The following KCNK3 variants were observed in gnomAD, a reference collection of about 807,000 sequenced individuals.
KCNK3 encodes potassium channel subfamily K member 3.
Under a neutral mutation model 27.3 loss-of-function variants are expected in KCNK3, and 9 were observed. That is an observed-to-expected ratio of 0.33 (90% CI 0.20 to 0.57). KCNK3 has a LOEUF of 0.57. KCNK3 is among the 20% of genes least tolerant of loss of function. The pLI is 0.87. For synonymous variants in KCNK3, 278 were observed against 273.8 expected, an observed-to-expected ratio of 1.02 and a Z score of -0.15; for missense variants, 391 against 577.7, an observed-to-expected ratio of 0.68 and a Z score of 3.31.
chr2:26,698,275 G>A (rs1011423374), intron 1 of KCNK3, among the ~76,000 whole-genome samples: 16 of 152,200 alleles, frequency 1.1e-4, no homozygotes, highest in African/African-American at 3.4e-4. Context: ...AGGCTAGCCC[G>A]TGGGCGTGCT....
chr2:26,719,619 G>A (rs1572612164), intron 1 of KCNK3, among the ~76,000 whole-genome samples: 1 of 152,324 alleles, frequency 6.6e-6, no homozygotes, highest in East Asian at 1.9e-4. Context: ...ACAGGGCACT[G>A]AAGTTTTCAA....
chr2:26,708,575 AG>A (rs1663031780), intron 1 of KCNK3, among the ~76,000 whole-genome samples: 1 of 152,220 alleles, frequency 6.6e-6, no homozygotes, highest in East Asian at 1.9e-4. Flanking sequence ...GCTACTCGGG[AG>A]GCTGAGGCAT....
chr2:26,706,372 C>T (rs1670373403), intron 1 of KCNK3, among the ~76,000 whole-genome samples: 1 of 152,252 alleles, frequency 6.6e-6, no homozygotes, highest in South Asian at 2.1e-4. Flanking sequence ...CGCTTCATGG[C>T]TTTAGCTCTC....
At chr2:26,705,356 A>G (rs558034832) in intron 1 of KCNK3, among the ~76,000 whole-genome samples, 3 of 152,302 alleles carry the variant, frequency 2.0e-5, no homozygotes, top group South Asian at 4.2e-4. Context: ...CAAATGGCAG[A>G]ACACGGATAT....
chr2:26,731,990 C>T lies in KCNK3; in HGVS notation c.*3422C>T, dbSNP rs1276567531. 1.3e-5 allele frequency: 2 copies of T among 152,222 alleles called. No individual in the cohort carries two copies. Among genetic ancestry groups the T allele is most frequent in the East Asian group, 1.9e-4 (1 of 5,198 alleles). The allele number at this position is 152,222 out of a possible 1,614,324, so 9.4% of individuals were successfully genotyped here. Reference sequence around the variant, plus strand: ...CAGTAGGGGCCCCCTGGCTGAGTGGCCTGATTGACTAAAACATATGTCTTT... The same window carrying T: ...CAGTAGGGGCCCCCTGGCTGAGTGGTCTGATTGACTAAAACATATGTCTTT... On this transcript the variant is annotated 3_prime_UTR_variant, in exon 2 of 2. Transcript: ENST00000302909.
At chr2:26,713,565 A>G (rs560298851) in intron 1 of KCNK3, among the ~76,000 whole-genome samples, 1 of 152,086 alleles carries the variant, frequency 6.6e-6, no homozygotes, top group Non-Finnish European at 1.5e-5. Context: ...GGATCCCCTG[A>G]GGTCAGGAGT....
intron 1 of KCNK3, among the ~76,000 whole-genome samples, chr2:26,705,822 C>A (rs1670365369): frequency 6.6e-6 from 1 of 151,898 alleles, no homozygotes; most frequent in African/African-American, 2.4e-5. Context: ...GGAGAGGAGG[C>A]CTTGCTGAGG....
At chr2:26,702,853 T>C (rs1670326794) in intron 1 of KCNK3, among the ~76,000 whole-genome samples, 1 of 152,042 alleles carries the variant, frequency 6.6e-6, no homozygotes, top group Admixed American at 6.6e-5. Flanking sequence ...TGGTGGCTCA[T>C]GTCTGTAGTC....
intron 1 of KCNK3, among the ~76,000 whole-genome samples, chr2:26,704,221 A>T (rs998651336): frequency 7.2e-5 from 11 of 151,838 alleles, no homozygotes; most frequent in Non-Finnish European, 1.6e-4. Flanking sequence ...TCCACTCTGG[A>T]GCTCACACCA....
At chr2:26,698,926 C>T (rs1015667144) in intron 1 of KCNK3, among the ~76,000 whole-genome samples, 1 of 152,126 alleles carries the variant, frequency 6.6e-6, no homozygotes, top group African/African-American at 2.4e-5. Flanking sequence ...CCTGTAATCA[C>T]AGCACTTTGG....
intron 1 of KCNK3, among the ~76,000 whole-genome samples, chr2:26,713,344 G>A (rs969558766): frequency 4.6e-5 from 7 of 152,228 alleles, no homozygotes; most frequent in Non-Finnish European, 8.8e-5. Flanking sequence ...GGAGTCAGGA[G>A]AGGCCAGGCC....
chr2:26,728,709 G>A lies in KCNK3; in HGVS notation c.*141G>A, dbSNP rs1663481091. On this transcript the variant is annotated 3_prime_UTR_variant, in exon 2 of 2. Coordinates refer to ENST00000302909, the MANE Select transcript of KCNK3 (RefSeq NM_002246.3). ...ACTCTCCCCCAGCACCCCCATCTCC[G>A]ACTGTGCCTGCTTGCACCAGCCGGC... 2 of 725,322 alleles carry A rather than the reference G, an allele frequency of 2.8e-6. No individual in the cohort carries two copies. Among genetic ancestry groups the A allele is most frequent in the African/African-American group, 1.9e-5 (1 of 53,904 alleles). 44.9% of individuals were successfully genotyped at this position (725,322 alleles called of 1,614,324 possible).
At chr2:26,706,713 G>A (rs931400860) in intron 1 of KCNK3, among the ~76,000 whole-genome samples, 2 of 152,124 alleles carry the variant, frequency 1.3e-5, no homozygotes, top group African/African-American at 2.4e-5. Flanking sequence ...ATCTGCCTGG[G>A]CTCCAAAGAG....
chr2:26,693,277 C>T lies in KCNK3; in HGVS notation c.283+119C>T. On this transcript the variant is annotated intron_variant, in intron 1 of 1. Coordinates refer to ENST00000302909, the MANE Select transcript of KCNK3 (RefSeq NM_002246.3). This position sits in a 1 kb window ranked among gnomAD's most constrained non-coding sequence, Gnocchi z 5.5. ...CCCCGAGAGGGGCTGGGCGCCGAAC[C>T]CTGCGCTCGCAGAAACCCGAGTTCA... 4 of 1,018,296 alleles carry T rather than the reference C, an allele frequency of 3.9e-6. No homozygotes were observed. The highest frequency in any genetic ancestry group is 5.4e-6 in the Non-Finnish European group (4 of 747,596). The allele number at this position is 1,018,296 out of a possible 1,614,324, so 63.1% of individuals were successfully genotyped here.
intron 1 of KCNK3, among the ~76,000 whole-genome samples, chr2:26,708,088 T>G (rs1232536156): frequency 6.6e-6 from 1 of 152,104 alleles, no homozygotes; most frequent in Non-Finnish European, 1.5e-5. Flanking sequence ...TAAATTATGT[T>G]GTAAAAAATA....
chr2:26,693,277 C>G lies in KCNK3; in HGVS notation c.283+119C>G, dbSNP rs1558592597. 1 of 1,018,296 alleles carries G rather than the reference C, an allele frequency of 9.8e-7. No homozygotes were observed. Among genetic ancestry groups the G allele is most frequent in the Non-Finnish European group, 1.3e-6 (1 of 747,596 alleles). The allele number at this position is 1,018,296 out of a possible 1,614,324, so 63.1% of individuals were successfully genotyped here. A position where few individuals can be genotyped will look rare whatever the true frequency, so the allele number is the denominator to read the frequency against. On this transcript the variant is annotated intron_variant, in intron 1 of 1. Coordinates refer to ENST00000302909, the MANE Select transcript of KCNK3 (RefSeq NM_002246.3). The surrounding 1 kb of genome is among the most constrained non-coding windows in gnomAD (Gnocchi z 5.5). ...CCCCGAGAGGGGCTGGGCGCCGAAC[C>G]CTGCGCTCGCAGAAACCCGAGTTCA...
rs1663512740 is a variant in KCNK3, at chr2:26,730,265, G to A, written c.*1697G>A. The stretch of plus-strand genomic sequence containing the variant: ...ATGGGACATCACACCTGGCACCATT[G>A]TCATTGTTGGTGCCTGTGTCCCAAG... On this transcript the variant is annotated 3_prime_UTR_variant, in exon 2 of 2. Coordinates refer to ENST00000302909, the MANE Select transcript of KCNK3 (RefSeq NM_002246.3). 6.6e-6 allele frequency: 1 copy of A among 152,230 alleles called. No homozygotes were observed. The highest frequency in any genetic ancestry group is 2.1e-4 in the South Asian group (1 of 4,832). 9.4% of individuals were successfully genotyped at this position (152,230 alleles called of 1,614,324 possible). A position where few individuals can be genotyped will look rare whatever the true frequency, so the allele number is the denominator to read the frequency against.
chr2:26,701,961 A>AAC (rs2148256671), intron 1 of KCNK3, among the ~76,000 whole-genome samples: 1 of 152,244 alleles, frequency 6.6e-6, no homozygotes, highest in East Asian at 1.9e-4. Context: ...CAATAAATAA[A>AAC]AACTTTTATT....
At chr2:26,711,153 G>A (rs1212254206) in intron 1 of KCNK3, among the ~76,000 whole-genome samples, 1 of 152,198 alleles carries the variant, frequency 6.6e-6, no homozygotes, top group Non-Finnish European at 1.5e-5. Context: ...AAGACCCCTG[G>A]GAAATTACCA....
Sources: gnomAD v4.1 joint callset for allele counts (sites outside exome capture counted in the v4.1 genomes callset) on GRCh38, gnomAD v4.1.1 for gene constraint, Gnocchi (gnomAD v3.1) non-coding constraint, MANE v1.5 for transcripts, NCBI Gene and HGNC (gene_info 2026-07-23, HGNC 2026-07-21) for gene names.